ZBTB20: variants seen among roughly 807,000 people sequenced by gnomAD.
The protein encoded by ZBTB20 is zinc finger and BTB domain containing 20.
A neutral mutation model predicts 56.9 loss-of-function variants in ZBTB20; 9 were observed. That is an observed-to-expected ratio of 0.16 (90% CI 0.10 to 0.28). The LOEUF (loss-of-function observed/expected upper bound fraction) is 0.28. Among genes scored for constraint, ZBTB20 ranks in the 10% least tolerant of loss-of-function variants. The pLI is 1.00. For synonymous variants in ZBTB20, 417 were observed against 420.7 expected (o/e 0.99, Z 0.11); for missense variants, 655 against 1,003.0 (o/e 0.65, Z 4.69).
At chr3:115,018,092 A>T (rs2080048688) in intron 2 of ZBTB20, among the ~76,000 whole-genome samples, 1 of 151,402 alleles carries the variant, frequency 6.6e-6, no homozygotes, top group Non-Finnish European at 1.5e-5. Context: ...GTATGCATGA[A>T]GTTACCAGGA....
intron 4 of ZBTB20, among the ~76,000 whole-genome samples, chr3:114,831,090 T>C (rs1020061478): frequency 1.0e-5 from 1 of 99,520 alleles, no homozygotes; most frequent in Non-Finnish European, 2.1e-5. Context: ...CTTTCTTCTT[T>C]TTTTTTTTTT....
At chr3:114,622,228 T>A (rs1368255628) in intron 6 of ZBTB20, among the ~76,000 whole-genome samples, 1 of 152,166 alleles carries the variant, frequency 6.6e-6, no homozygotes, top group East Asian at 1.9e-4. Context: ...TAACCTCCTA[T>A]GTAGGTCTTG....
At chr3:114,737,629 T>A (rs952143754) in intron 5 of ZBTB20, among the ~76,000 whole-genome samples, 25 of 152,206 alleles carry the variant, frequency 1.6e-4, no homozygotes, top group African/African-American at 6.0e-4. Flanking sequence ...TGTGGAAATT[T>A]TTTTCAGAAT....
intron 3 of ZBTB20, among the ~76,000 whole-genome samples, chr3:114,938,086 C>T (rs928406809): frequency 2.0e-5 from 3 of 151,432 alleles, no homozygotes; most frequent in African/African-American, 7.3e-5. Context: ...CCACTACACT[C>T]CAGCCTGGGC....
intron 5 of ZBTB20, among the ~76,000 whole-genome samples, chr3:114,795,544 C>T (rs944329653): frequency 1.3e-5 from 2 of 152,022 alleles, no homozygotes; most frequent in Non-Finnish European, 2.9e-5. Context: ...TCTCCCCTCC[C>T]ATACTCCGTT....
intron 2 of ZBTB20, among the ~76,000 whole-genome samples, chr3:115,032,958 T>TAAAAAAAAAAAA (rs77048136): frequency 5.3e-5 from 3 of 56,532 alleles, no homozygotes; most frequent in African/African-American, 1.3e-4. Flanking sequence ...CCTAAGGAAC[T>TAAAAAAAAAAAA]AAAAAAAAAA....
chr3:114,875,449 A>G (rs1476775004), intron 4 of ZBTB20, among the ~76,000 whole-genome samples: 2 of 152,156 alleles, frequency 1.3e-5, no homozygotes, highest in Admixed American at 1.3e-4. Context: ...AGTTACCAAA[A>G]TAATCAGTTT....
At chr3:114,668,504 T>C (rs2061182949) in intron 6 of ZBTB20, among the ~76,000 whole-genome samples, 1 of 152,056 alleles carries the variant, frequency 6.6e-6, no homozygotes. Flanking sequence ...TTCCAGGTTC[T>C]GATCCCCTAA....
At chr3:114,761,297 T>C (rs977999026) in intron 5 of ZBTB20, among the ~76,000 whole-genome samples, 1 of 152,202 alleles carries the variant, frequency 6.6e-6, no homozygotes, top group Admixed American at 6.6e-5. Flanking sequence ...GTGCTGACTA[T>C]ATGCTAGGGA....
rs1277584577 is a variant in ZBTB20, at chr3:114,330,712, A to G, written c.*8293T>C. The stretch of plus-strand genomic sequence containing the variant: ...AGGGGAAAAGTCACCAGAATAGAAG[A>G]GGAAAGAAAATGTCCTCTGACTTCT... On this transcript the variant is annotated 3_prime_UTR_variant, in exon 12 of 12. Coordinates refer to ENST00000675478, the MANE Select transcript of ZBTB20 (RefSeq NM_001348800.3). 1 of 152,216 alleles carries G rather than the reference A, an allele frequency of 6.6e-6. No homozygotes were observed. Among genetic ancestry groups the G allele is most frequent in the East Asian group, 1.9e-4 (1 of 5,202 alleles). The allele number at this position is 152,216 out of a possible 1,614,324, so 9.4% of individuals were successfully genotyped here.
intron 3 of ZBTB20, chr3:114,931,175 C>A: frequency 5.0e-6 from 1 of 198,234 alleles, no homozygotes; most frequent in Non-Finnish European, 1.1e-5. Context: ...GGTGCAGGAG[C>A]ACAAGGTAGG....
chr3:114,376,401 T>C (rs1163864454), intron 10 of ZBTB20, among the ~76,000 whole-genome samples: 1 of 152,240 alleles, frequency 6.6e-6, no homozygotes, highest in Admixed American at 6.5e-5. Context: ...TTTGGGGTAA[T>C]TAAAATGTCA....
At chr3:114,456,970 T>A (rs1338993074) in intron 7 of ZBTB20, among the ~76,000 whole-genome samples, 2 of 152,240 alleles carry the variant, frequency 1.3e-5, no homozygotes, top group Non-Finnish European at 2.9e-5. Context: ...CAGAGTAATT[T>A]AGTTTATTTG....
At chr3:115,010,218 ACAG>A in intron 2 of ZBTB20, among the ~76,000 whole-genome samples, 1 of 151,966 alleles carries the variant, frequency 6.6e-6, no homozygotes. Flanking sequence ...AGAGAAGTAC[ACAG>A]GCCTGGCTGG....
At chr3:114,574,937 A>G (rs936829591) in intron 6 of ZBTB20, among the ~76,000 whole-genome samples, 4 of 152,174 alleles carry the variant, frequency 2.6e-5, no homozygotes, top group Non-Finnish European at 4.4e-5. Flanking sequence ...TTACGTTTTT[A>G]TAAGTGGGTA....
intron 6 of ZBTB20, among the ~76,000 whole-genome samples, chr3:114,548,517 CTT>C (rs71146327): frequency 6.9e-6 from 1 of 144,994 alleles, no homozygotes; most frequent in Non-Finnish European, 1.5e-5. Context: ...TTTTTATTTT[CTT>C]TTTTTTTTTT....
chr3:114,901,893 A>AT (rs1221973637), intron 3 of ZBTB20, among the ~76,000 whole-genome samples: 6 of 152,222 alleles, frequency 3.9e-5, no homozygotes, highest in Admixed American at 1.3e-4. Flanking sequence ...GATGATTTTA[A>AT]TTTTTTCTTT....
At chr3:114,812,153 T>A (rs1020984424) in intron 4 of ZBTB20, among the ~76,000 whole-genome samples, 1 of 143,494 alleles carries the variant, frequency 7.0e-6, no homozygotes, top group Admixed American at 7.0e-5. Context: ...AGTGTGGAAG[T>A]GGACCCCAGC....
Position 114,339,344 on chromosome 3 carries a change from T to C in ZBTB20, c.1887A>G (p.Thr629=). 6.2e-7 allele frequency: 1 copy of C among 1,614,044 alleles called. No homozygotes were observed. Among genetic ancestry groups the C allele is most frequent in the African/African-American group, 1.3e-5 (1 of 74,922 alleles). The change falls in exon 12 of 12, where the codon ACA becomes ACG. Residue 629 remains threonine, a synonymous_variant. Coordinates refer to ENST00000675478, the MANE Select transcript of ZBTB20 (RefSeq NM_001348800.3). This position sits in a 1 kb window ranked among gnomAD's most constrained non-coding sequence, Gnocchi z 4.2. ...DYLIKHMVTH[T]GVRAYQCSIC... ...TACTACACTGGTATGCCCTCACTCC[T>C]GTGTGTGTCACCATGTGCTTGATAA...
Sources: gnomAD v4.1 joint callset for allele counts (sites outside exome capture counted in the v4.1 genomes callset) on GRCh38, gnomAD v4.1.1 for gene constraint, Gnocchi (gnomAD v3.1) non-coding constraint, MANE v1.5 for transcripts, NCBI Gene and HGNC (gene_info 2026-07-23, HGNC 2026-07-21) for gene names.